SEMA6B: variants seen among roughly 807,000 people sequenced by gnomAD.
SEMA6B encodes semaphorin 6B.
Under a neutral mutation model 78.6 loss-of-function variants are expected in SEMA6B, and 47 were observed. The observed-to-expected ratio is 0.60, with a 90% confidence interval of 0.47 to 0.76. The LOEUF (loss-of-function observed/expected upper bound fraction) is 0.76. SEMA6B is among the 30% of genes least tolerant of loss of function. The probability of loss-of-function intolerance (pLI) is 0.00; values close to 1 mark genes in which losing one functional copy is unlikely to be tolerated. For missense variants in SEMA6B, 1,213 were observed against 1,269.9 expected, an observed-to-expected ratio of 0.96 and a Z score of 0.68; for synonymous variants, 632 against 592.2, an observed-to-expected ratio of 1.07 and a Z score of -0.98.
At chr19:4,545,481 G>A (rs1156526789) in intron 16 of SEMA6B, among the ~76,000 whole-genome samples, 1 of 152,120 alleles carries the variant, frequency 6.6e-6, no homozygotes, top group African/African-American at 2.4e-5. Context: ...GGAACTACAG[G>A]CATGCACTGC....
chr19:4,552,297 C>A lies in SEMA6B; in HGVS notation c.989+125G>T, dbSNP rs1157048142. ...TCCCACCCCAGCCTGGGGCCGAGGCCTCTCAGAGGTCTAATCCAGTGGTGC... is the reference window on the plus strand; with the variant it reads ...TCCCACCCCAGCCTGGGGCCGAGGCATCTCAGAGGTCTAATCCAGTGGTGC... On this transcript the variant is annotated intron_variant, in intron 10 of 16. Transcript: ENST00000586582. The surrounding 1 kb of genome is among the most constrained non-coding windows in gnomAD (Gnocchi z 7.4). The A allele has an allele frequency of 3.1e-6, 3 of 955,706 alleles. No individual in the cohort carries two copies. Among genetic ancestry groups the A allele is most frequent in the Non-Finnish European group, 4.7e-6 (3 of 644,090 alleles). The allele number at this position is 955,706 out of a possible 1,614,324, so 59.2% of individuals were successfully genotyped here. A position where few individuals can be genotyped will look rare whatever the true frequency, so the allele number is the denominator to read the frequency against.
intron 10 of SEMA6B, 84 bp from the exon 11 acceptor site, chr19:4,551,014 G>A (rs763583924): frequency 1.3e-6 from 2 of 1,492,376 alleles, no homozygotes; most frequent in African/African-American, 2.8e-5. Context: ...TCTGTCTGCA[G>A]GAGCCAGTGA....
Position 4,552,454 on chromosome 19 carries a change from C to T in SEMA6B, c.957G>A (p.Val319=). ...TGGGCGTGGAAAAAACGGCCAGGAC[C>T]ACGGGCCGGCCCCCGAGGCTGACCA... ...TGVVSLGGRP[V]VLAVFSTPSN... Residue 319 remains valine, a synonymous_variant, in exon 10 of 17, where the codon GTG becomes GTA. Transcript: ENST00000586582. This position sits in a 1 kb window ranked among gnomAD's most constrained non-coding sequence, Gnocchi z 7.4. The T allele has an allele frequency of 6.2e-7, 1 of 1,601,388 alleles. No individual in the cohort carries two copies. Among genetic ancestry groups the T allele is most frequent in the Non-Finnish European group, 8.5e-7 (1 of 1,174,762 alleles).
Position 4,552,468 on chromosome 19 carries a change from C to A in SEMA6B, c.943G>T (p.Gly315Trp). ...ACGGCCAGGACCACGGGCCGGCCCC[C>A]GAGGCTGACCACGCCCGTGACAGCC... Reference protein sequence around the residue: ...LQAVTGVVSLGGRPVVLAVFS... With the variant: ...LQAVTGVVSLWGRPVVLAVFS... The change falls in exon 10 of 17, where the codon GGG becomes TGG. Residue 315 changes from glycine (G) to tryptophan (W), a missense_variant. Physicochemically the swap from Gly to Trp is radical, Grantham distance 184. Transcript: ENST00000586582. This position sits in a 1 kb window ranked among gnomAD's most constrained non-coding sequence, Gnocchi z 7.4. The A allele has an allele frequency of 6.2e-7, 1 of 1,608,138 alleles. No individual in the cohort carries two copies. Among genetic ancestry groups the A allele is most frequent in the East Asian group, 2.2e-5 (1 of 44,614 alleles).
At chr19:4,557,884 C>G (rs970709601) in intron 3 of SEMA6B, 142 bp downstream of exon 3, 31 of 724,802 alleles carry the variant, frequency 4.3e-5, no homozygotes, top group Middle Eastern at 2.8e-4. Context: ...CCACCTTCCT[C>G]CGGGTCAAAG....
At chr19:4,548,573 C>A in intron 12 of SEMA6B, 128 bp from the exon 13 acceptor site, 1 of 850,054 alleles carries the variant, frequency 1.2e-6, no homozygotes, top group Middle Eastern at 3.3e-4. Flanking sequence ...GCAATAAATG[C>A]GTGTGTGCAT....
rs1977084102 is a variant in SEMA6B at position 4,543,755 on chromosome 19, G to C, written c.2513C>G (p.Pro838Arg). 8.2e-7 allele frequency: 1 copy of C among 1,225,822 alleles called. No homozygotes were observed. Among genetic ancestry groups the C allele is most frequent in the African/African-American group, 1.6e-5 (1 of 64,154 alleles). The allele number at this position is 1,225,822 out of a possible 1,614,324, so 75.9% of individuals were successfully genotyped here. A position where few individuals can be genotyped will look rare whatever the true frequency, so the allele number is the denominator to read the frequency against. ...GGTGCGGCGCAGGGTGGCGGCCGGA[G>C]GGGCGTGGGGGCCCAGTGGCCTCCT... The part of the protein sequence containing the change: ...SLRRPLGPHA[P>R]PAATLRRTHT... The change falls in exon 17 of 17, where the codon CCT becomes CGT. Residue 838 changes from proline to arginine, a missense_variant. Pro to Arg is a moderately radical substitution (Grantham distance 103). Transcript: ENST00000586582.
Position 4,559,192 on chromosome 19 carries a change from CAA to C in SEMA6B, c.-33+336_-33+337del, listed in dbSNP as rs11295195. ...CTGGGCAACAGAGCAAGACTCCATCCAAAAAAAAAAAAAAAAAGCCACAAGCT... is the reference window on the plus strand; with the variant it reads ...CTGGGCAACAGAGCAAGACTCCATCCAAAAAAAAAAAAAAAGCCACAAGCT... On this transcript the variant is annotated intron_variant, in intron 1 of 16. Coordinates refer to ENST00000586582, the MANE Select transcript of SEMA6B (RefSeq NM_032108.4). Among the ~76,000 whole-genome samples, 913 of 107,616 alleles carry C rather than the reference CAA, an allele frequency of 8.5e-3. 8 individuals carry two copies. The highest frequency in any genetic ancestry group is 8.8e-3 in the African/African-American group (256 of 29,232). 70.6% of individuals were successfully genotyped at this position (107,616 alleles called of 152,430 possible). A position where few individuals can be genotyped will look rare whatever the true frequency, so the allele number is the denominator to read the frequency against.
rs774554180 is a variant in SEMA6B, at chr19:4,548,461, G to A, written c.1272-16C>T. ...CAGCTGGTGCCTGGGGGACAGGGCA[G>A]GGGAGGGTCAGGCTGGCCCCATATC... On this transcript the variant is annotated splice_polypyrimidine_tract_variant and intron_variant, in intron 12 of 16. Coordinates refer to ENST00000586582, the MANE Select transcript of SEMA6B (RefSeq NM_032108.4). 2 of 1,604,976 alleles carry A rather than the reference G, an allele frequency of 1.2e-6. No individual in the cohort carries two copies. The highest frequency in any genetic ancestry group is 4.5e-5 in the East Asian group (2 of 44,652).
chr19:4,544,675 T>C lies in SEMA6B; in HGVS notation c.1739-146A>G, dbSNP rs1276504267. 4.3e-6 allele frequency: 2 copies of C among 469,804 alleles called. No homozygotes were observed. Among genetic ancestry groups the C allele is most frequent in the Non-Finnish European group, 6.9e-6 (2 of 290,586 alleles). 29.1% of individuals were successfully genotyped at this position (469,804 alleles called of 1,614,324 possible). Reference sequence around the variant, plus strand: ...TTTTGAGAAGGAGTCTTCCTTTGTGTGCCAGGCTGGAGTGCAGTGGGGCGA... The same window carrying C: ...TTTTGAGAAGGAGTCTTCCTTTGTGCGCCAGGCTGGAGTGCAGTGGGGCGA... On this transcript the variant is annotated intron_variant, in intron 16 of 16. Transcript: ENST00000586582. This position sits in a 1 kb window ranked among gnomAD's most constrained non-coding sequence, Gnocchi z 5.1.
chr19:4,544,629 A>T lies in SEMA6B; in HGVS notation c.1739-100T>A, dbSNP rs903467422. 4.4e-5 allele frequency: 27 copies of T among 607,084 alleles called. No homozygotes were observed. Among genetic ancestry groups the T allele is most frequent in the Non-Finnish European group, 1.9e-5 (8 of 414,246 alleles). 37.6% of individuals were successfully genotyped at this position (607,084 alleles called of 1,614,324 possible). The stretch of plus-strand genomic sequence containing the variant: ...CTCTGTCCTCTTTTTTATTATTTTT[A>T]TTTTTTTTTATTTATTTATTTTTTG... On this transcript the variant is annotated intron_variant, in intron 16 of 16. Transcript: ENST00000586582. The surrounding 1 kb of genome is among the most constrained non-coding windows in gnomAD (Gnocchi z 5.1).
rs1440999607 is a variant in SEMA6B at position 4,552,453 on chromosome 19, C to T, written c.958G>A (p.Val320Ile). ...CTGGGCGTGGAAAAAACGGCCAGGA[C>T]CACGGGCCGGCCCCCGAGGCTGACC... is the stretch of plus-strand genomic sequence containing the variant. ...GVVSLGGRPV[V>I]LAVFSTPSNS... The change falls in exon 10 of 17, where the codon GTC (valine) becomes ATC (isoleucine). Residue 320 changes from valine to isoleucine, a missense_variant. Transcript: ENST00000586582. This position sits in a 1 kb window ranked among gnomAD's most constrained non-coding sequence, Gnocchi z 7.4. The T allele has an allele frequency of 1.2e-6, 2 of 1,600,482 alleles. No homozygotes were observed. Among genetic ancestry groups the T allele is most frequent in the African/African-American group, 1.3e-5 (1 of 74,754 alleles).
At chr19:4,551,777 C>T (rs756473466) in intron 10 of SEMA6B, among the ~76,000 whole-genome samples, 11 of 151,662 alleles carry the variant, frequency 7.3e-5, no homozygotes, top group Admixed American at 2.6e-4. Context: ...TGTGGTGAGC[C>T]GAGATCGCGC....
chr19:4,546,121 C>T, intron 16 of SEMA6B, 95 bp downstream of exon 16: 6 of 1,300,636 alleles, frequency 4.6e-6, no homozygotes, highest in Non-Finnish European at 6.2e-6. Flanking sequence ...TCCCCACCCA[C>T]CTCCCAGAGG....
chr19:4,554,076 T>C (rs1369771207), intron 9 of SEMA6B, among the ~76,000 whole-genome samples: 1 of 151,300 alleles, frequency 6.6e-6, no homozygotes, highest in East Asian at 2.0e-4. Flanking sequence ...GGTGAGCAGG[T>C]AGACGGATGG....
At position 4,556,069 on chromosome 19, in the gene SEMA6B, TACGAAGTTTCGAC is replaced by T; in HGVS notation, c.377_389del (p.Cys126Ter). 6.2e-7 allele frequency: 1 copy of T among 1,614,056 alleles called. No individual in the cohort carries two copies. On this transcript the variant is annotated frameshift_variant, in exon 6 of 17. Transcript: ENST00000586582. LOFTEE classifies it high-confidence loss of function. ...ACTCGTCCCGAAGGAGCAGCACCTT[TACGAAGTTTCGAC>T]ACTCGCCCTGAGGTGGGGACAGGAG...
At chr19:4,547,979 C>A in intron 14 of SEMA6B, 48 bp downstream of exon 14, 1 of 1,501,532 alleles carries the variant, frequency 6.7e-7, no homozygotes, top group Non-Finnish European at 8.9e-7. Flanking sequence ...TCCCTGTGCC[C>A]ATCCTCCCTT....
In SEMA6B at chr19:4,555,578, G is replaced by A. The variant is rs1429323415; in HGVS notation, c.472-14C>T. 3.7e-6 allele frequency: 6 copies of A among 1,609,122 alleles called. No homozygotes were observed. The highest frequency in any genetic ancestry group is 5.1e-6 in the Non-Finnish European group (6 of 1,177,056). On this transcript the variant is annotated splice_polypyrimidine_tract_variant and intron_variant, in intron 6 of 16. Transcript: ENST00000586582. This position sits in a 1 kb window ranked among gnomAD's most constrained non-coding sequence, Gnocchi z 6.1. Reference sequence around the variant, plus strand: ...CAGGGTGTCTATCTGCAGGGACCATGGGGCCTGAGTGACAGATCTCCTGAC... The same window carrying A: ...CAGGGTGTCTATCTGCAGGGACCATAGGGCCTGAGTGACAGATCTCCTGAC...
intron 14 of SEMA6B, 93 bp from the exon 15 acceptor site, chr19:4,546,562 C>T: frequency 1.7e-6 from 1 of 587,668 alleles, no homozygotes; most frequent in Non-Finnish European, 2.6e-6. Context: ...TTCCAAGCAC[C>T]TGCCTCTTTA....
Sources: allele counts gnomAD v4.1 joint callset (sites outside exome capture counted in the v4.1 genomes callset), GRCh38; gene constraint gnomAD v4.1.1; non-coding constraint Gnocchi (gnomAD v3.1); transcripts MANE v1.5; gene names NCBI Gene and HGNC (gene_info 2026-07-23, HGNC 2026-07-21).